The following KNCN variants were observed in gnomAD, a reference collection of about 807,000 sequenced individuals.
KNCN encodes the protein kinocilin.
In KNCN, 11 loss-of-function variants were observed where a neutral mutation model predicts 10.4. The ratio of observed to expected loss-of-function variants is 1.06; its 90% CI spans 0.67 to 1.75. KNCN has a LOEUF of 1.75. Among genes scored for constraint, KNCN ranks in the 40% most tolerant of loss-of-function variants. The pLI, the probability that KNCN is intolerant of heterozygous loss-of-function variation, is 0.00. For missense variants in KNCN, 172 were observed against 167.1 expected, an observed-to-expected ratio of 1.03 and a Z score of -0.16; for synonymous variants, 67 against 71.6, an observed-to-expected ratio of 0.94 and a Z score of 0.33.
At position 46,545,700 on chromosome 1, in the gene KNCN, T is replaced by C. The variant is rs752704; in HGVS notation, c.*2030A>G. 79,973 of 152,128 alleles carry C rather than the reference T, an allele frequency of 0.53. 21,526 individuals are homozygous for C. The highest frequency in any genetic ancestry group is 0.71 in the East Asian group (3,629 of 5,142). 9.4% of individuals were successfully genotyped at this position (152,128 alleles called of 1,614,324 possible). On this transcript the variant is annotated 3_prime_UTR_variant, in exon 4 of 4. Transcript: ENST00000481882. The stretch of plus-strand genomic sequence containing the variant: ...CCCAGCATCTCTCTCTGCCTGGCCC[T>C]GCCAGGCATCGGGGATTCCATAGCC...
In KNCN at chr1:46,546,678, G is replaced by T. The variant is rs1374602340; in HGVS notation, c.*1052C>A. 2.6e-5 allele frequency: 4 copies of T among 152,418 alleles called. No individual in the cohort carries two copies. The highest frequency in any genetic ancestry group is 6.5e-5 in the Admixed American group (1 of 15,312). The allele number at this position is 152,418 out of a possible 1,614,324, so 9.4% of individuals were successfully genotyped here. A position where few individuals can be genotyped will look rare whatever the true frequency, so the allele number is the denominator to read the frequency against. ...CTTCCCAGGGAAAGCCTAGGGAATTGTTTTTACATTAAATTGAATCCATTA... is the reference window on the plus strand; with the variant it reads ...CTTCCCAGGGAAAGCCTAGGGAATTTTTTTTACATTAAATTGAATCCATTA... On this transcript the variant is annotated 3_prime_UTR_variant, in exon 4 of 4. Transcript: ENST00000481882.
chr1:46,549,852 A>C, intron 2 of KNCN, 82 bp downstream of exon 2: 1 of 1,548,660 alleles, frequency 6.5e-7, no homozygotes, highest in East Asian at 2.4e-5. Context: ...TCCCAGCCAC[A>C]CAGTGGGTCA....
At chr1:46,548,836 A>G (rs990572373) in intron 3 of KNCN, among the ~76,000 whole-genome samples, 2 of 152,140 alleles carry the variant, frequency 1.3e-5, no homozygotes, top group African/African-American at 4.8e-5. Flanking sequence ...TCAGTCAGGG[A>G]GGGGAGATGA....
Position 46,546,651 on chromosome 1 carries a change from G to C in KNCN, c.*1079C>G, listed in dbSNP as rs975802054. 3 of 152,290 alleles carry C rather than the reference G, an allele frequency of 2.0e-5. No individual in the cohort carries two copies. Among genetic ancestry groups the C allele is most frequent in the Admixed American group, 2.0e-4 (3 of 15,294 alleles). The allele number at this position is 152,290 out of a possible 1,614,324, so 9.4% of individuals were successfully genotyped here. A position where few individuals can be genotyped will look rare whatever the true frequency, so the allele number is the denominator to read the frequency against. On this transcript the variant is annotated 3_prime_UTR_variant, in exon 4 of 4. Transcript: ENST00000481882. Reference sequence around the variant, plus strand: ...CCCACGGTAGATGGGACTTTGAAGTGGCTTCCCAGGGAAAGCCTAGGGAAT... The same window carrying C: ...CCCACGGTAGATGGGACTTTGAAGTCGCTTCCCAGGGAAAGCCTAGGGAAT...
Position 46,551,488 on chromosome 1 carries a change from C to T in KNCN, c.-273G>A, listed in dbSNP as rs770848541. ...CTCAAAGCCCTCTGAAGCTGAAGCC[C>T]ACCCTTGGGACTCCTGTCTGGCTAC... is the stretch of plus-strand genomic sequence containing the variant. On this transcript the variant is annotated 5_prime_UTR_variant, in exon 1 of 4. Coordinates refer to ENST00000481882, the MANE Select transcript of KNCN (RefSeq NM_001322255.2). The surrounding 1 kb of genome is among the most constrained non-coding windows in gnomAD (Gnocchi z 4.0). 4 of 379,546 alleles carry T rather than the reference C, an allele frequency of 1.1e-5. No individual in the cohort carries two copies. Among genetic ancestry groups the T allele is most frequent in the Admixed American group, 5.1e-5 (1 of 19,610 alleles). The allele number at this position is 379,546 out of a possible 1,614,324, so 23.5% of individuals were successfully genotyped here.
chr1:46,550,080 A>T, intron 1 of KNCN, 78 bp from the exon 2 acceptor site: 1 of 1,548,342 alleles, frequency 6.5e-7, no homozygotes, highest in Non-Finnish European at 8.7e-7. Context: ...TGGGAGCCTG[A>T]GGGGTGGTTT....
At position 46,546,292 on chromosome 1, in the gene KNCN, A is replaced by T. The variant is rs969961356; in HGVS notation, c.*1438T>A. ...GCTTCAGAAAACTTTGGTTTTTCCA[A>T]CATCCACTGGGGTGTCGTCTGGGTG... On this transcript the variant is annotated 3_prime_UTR_variant, in exon 4 of 4. Transcript: ENST00000481882. The T allele has an allele frequency of 6.6e-6, 1 of 152,168 alleles. No individual in the cohort carries two copies. The highest frequency in any genetic ancestry group is 2.4e-5 in the African/African-American group (1 of 41,416). 9.4% of individuals were successfully genotyped at this position (152,168 alleles called of 1,614,324 possible). A position where few individuals can be genotyped will look rare whatever the true frequency, so the allele number is the denominator to read the frequency against.
rs1666923447 is a variant in KNCN at position 46,545,672 on chromosome 1, G to C, written c.*2058C>G. ...TTCATTCCTTGATTTATTCCACCTGGTCCCCAGCATCTCTCTCTGCCTGGC... is the reference window on the plus strand; with the variant it reads ...TTCATTCCTTGATTTATTCCACCTGCTCCCCAGCATCTCTCTCTGCCTGGC... On this transcript the variant is annotated 3_prime_UTR_variant, in exon 4 of 4. Coordinates refer to ENST00000481882, the MANE Select transcript of KNCN (RefSeq NM_001322255.2). 1 of 152,224 alleles carries C rather than the reference G, an allele frequency of 6.6e-6. No individual in the cohort carries two copies. The highest frequency in any genetic ancestry group is 2.4e-5 in the African/African-American group (1 of 41,410). The allele number at this position is 152,224 out of a possible 1,614,324, so 9.4% of individuals were successfully genotyped here.
chr1:46,549,282 C>A lies in KNCN; in HGVS notation c.221-15G>T. 3 of 1,586,720 alleles carry A rather than the reference C, an allele frequency of 1.9e-6. No homozygotes were observed. The highest frequency in any genetic ancestry group is 1.4e-5 in the African/African-American group (1 of 73,362). ...TCTTAGGCTCCCTGCAGGATGAGAC[C>A]ACCCCAAGCCCCCTGATTACTGAGC... On this transcript the variant is annotated splice_polypyrimidine_tract_variant and intron_variant, in intron 2 of 3. Transcript: ENST00000481882.
At position 46,547,761 on chromosome 1, in the gene KNCN, T is replaced by C; in HGVS notation, c.344A>G (p.Lys115Arg). The C allele has an allele frequency of 6.8e-7, 1 of 1,479,862 alleles. No homozygotes were observed. Among genetic ancestry groups the C allele is most frequent in the East Asian group, 2.4e-5 (1 of 40,822 alleles). 91.7% of individuals were successfully genotyped at this position (1,479,862 alleles called of 1,614,324 possible). A position where few individuals can be genotyped will look rare whatever the true frequency, so the allele number is the denominator to read the frequency against. ...STVSRTLEKL[K>R]PGTRGAEEC is the part of the protein sequence containing the mutation. The stretch of plus-strand genomic sequence containing the variant: ...TTCCTCAGCCCCCCGGGTCCCCGGC[T>C]TCAGCTTCTCCAGGGTCCTGCTCAC... The change falls in exon 4 of 4, where the codon AAG becomes AGG. Residue 115 changes from lysine to arginine, a missense_variant. Physicochemically the swap from Lys to Arg is conservative, Grantham distance 26 (BLOSUM62 2). Coordinates refer to ENST00000481882, the MANE Select transcript of KNCN (RefSeq NM_001322255.2).
intron 3 of KNCN, among the ~76,000 whole-genome samples, chr1:46,548,890 C>A (rs973786893): frequency 4.7e-4 from 71 of 152,184 alleles, no homozygotes; most frequent in African/African-American, 1.6e-3. Flanking sequence ...CCTATAATCC[C>A]AGCACTTTGG....
In KNCN at chr1:46,550,052, T is replaced by C. The variant is rs752780504; in HGVS notation, c.152-50A>G. On this transcript the variant is annotated intron_variant, in intron 1 of 3. Transcript: ENST00000481882. Reference sequence around the variant, plus strand: ...GTGATGGGGAGGAGCCTGGTGAGTGTTGAGGCTGTGGGTGGGCTGGGAGCC... The same window carrying C: ...GTGATGGGGAGGAGCCTGGTGAGTGCTGAGGCTGTGGGTGGGCTGGGAGCC... 3 of 1,549,872 alleles carry C rather than the reference T, an allele frequency of 1.9e-6. No individual in the cohort carries two copies. In the South Asian group the frequency reaches 3.6e-5, roughly 18 times the overall value.
At chr1:46,549,636 G>T in intron 2 of KNCN, 1 of 562,270 alleles carries the variant, frequency 1.8e-6, no homozygotes, top group Non-Finnish European at 3.2e-6. Flanking sequence ...GCTCAGGGAT[G>T]GAGAGGGAGT....
At position 46,551,152 on chromosome 1, in the gene KNCN, G is replaced by A. The variant is rs1184550815; in HGVS notation, c.64C>T (p.Leu22=). Residue 22 remains leucine (L), a synonymous_variant, in exon 1 of 4, where the codon CTG becomes TTG. Transcript: ENST00000481882. The surrounding 1 kb of genome is among the most constrained non-coding windows in gnomAD (Gnocchi z 4.0). ...GLQLACVALG[L]VAGSIIIGIS... ...CCGATAATGATGCTGCCAGCCACCA[G>A]CCCGAGAGCCACGCAGGCCAGCTGC... The A allele has an allele frequency of 6.2e-7, 1 of 1,610,994 alleles. No homozygotes were observed. Among genetic ancestry groups the A allele is most frequent in the Middle Eastern group, 1.7e-4 (1 of 6,052 alleles).
Position 46,547,593 on chromosome 1 carries a change from A to G in KNCN, c.*137T>C, listed in dbSNP as rs1666970781. On this transcript the variant is annotated 3_prime_UTR_variant, in exon 4 of 4. Coordinates refer to ENST00000481882, the MANE Select transcript of KNCN (RefSeq NM_001322255.2). ...GCGAGTGCAAAAGGCCCCATTCCAG[A>G]CACTGTTCCCAGCCGCTCTGGGGTC... is the stretch of plus-strand genomic sequence containing the variant. 3 of 745,968 alleles carry G rather than the reference A, an allele frequency of 4.0e-6. No homozygotes were observed. The highest frequency in any genetic ancestry group is 7.3e-6 in the Non-Finnish European group (3 of 412,018). 46.2% of individuals were successfully genotyped at this position (745,968 alleles called of 1,614,324 possible). A position where few individuals can be genotyped will look rare whatever the true frequency, so the allele number is the denominator to read the frequency against.
intron 3 of KNCN, among the ~76,000 whole-genome samples, chr1:46,548,144 C>A (rs760067047): frequency 5.1e-4 from 77 of 152,220 alleles, no homozygotes; most frequent in Non-Finnish European, 1.0e-3. Flanking sequence ...CCTCGGTTGC[C>A]CCTTATGTAA....
chr1:46,547,140 G>A lies in KNCN; in HGVS notation c.*590C>T, dbSNP rs1666959018. 2.9e-6 allele frequency: 1 copy of A among 341,546 alleles called. No individual in the cohort carries two copies. 21.2% of individuals were successfully genotyped at this position (341,546 alleles called of 1,614,324 possible). On this transcript the variant is annotated 3_prime_UTR_variant, in exon 4 of 4. Coordinates refer to ENST00000481882, the MANE Select transcript of KNCN (RefSeq NM_001322255.2). Reference sequence around the variant, plus strand: ...AAGTTGTTTGTACCTGTCCCTTTGTGAGCCCCCCAAATTCCCCCATCTGAT... The same window carrying A: ...AAGTTGTTTGTACCTGTCCCTTTGTAAGCCCCCCAAATTCCCCCATCTGAT...
At position 46,551,401 on chromosome 1, in the gene KNCN, G is replaced by A. The variant is rs1025165039; in HGVS notation, c.-186C>T. On this transcript the variant is annotated 5_prime_UTR_variant, in exon 1 of 4. Transcript: ENST00000481882. This position sits in a 1 kb window ranked among gnomAD's most constrained non-coding sequence, Gnocchi z 4.0. Reference sequence around the variant, plus strand: ...CAGTCCTATTCCACTGCTCCACTACGGGCCCCCCAGTCCCACCTTGACCAG... The same window carrying A: ...CAGTCCTATTCCACTGCTCCACTACAGGCCCCCCAGTCCCACCTTGACCAG... 1.7e-5 allele frequency: 10 copies of A among 574,744 alleles called. No individual in the cohort carries two copies. The highest frequency in any genetic ancestry group is 2.6e-5 in the Non-Finnish European group (9 of 343,716). 35.6% of individuals were successfully genotyped at this position (574,744 alleles called of 1,614,324 possible).
At chr1:46,549,781 AACAC>A (rs34076774) in intron 2 of KNCN, 149 bp downstream of exon 2, 92 of 1,358,476 alleles carry the variant, frequency 6.8e-5, no homozygotes, top group Admixed American at 2.0e-4. Context: ...ACGCCTGCAC[AACAC>A]ACACACACAC....
Sources: allele counts gnomAD v4.1 joint callset (sites outside exome capture counted in the v4.1 genomes callset), GRCh38; gene constraint gnomAD v4.1.1; non-coding constraint Gnocchi (gnomAD v3.1); transcripts MANE v1.5; gene names NCBI Gene and HGNC (gene_info 2026-07-23, HGNC 2026-07-21).